The following ZC3H7A variants were observed in gnomAD, a reference collection of about 807,000 sequenced individuals.
ZC3H7A encodes the protein zinc finger CCCH domain-containing protein 7A.
A neutral mutation model predicts 125.5 loss-of-function variants in ZC3H7A; 44 were observed. The ratio of observed to expected loss-of-function variants is 0.35; its 90% CI spans 0.28 to 0.45. ZC3H7A has a LOEUF of 0.45. Among genes scored for constraint, ZC3H7A ranks in the 20% least tolerant of loss-of-function variants. The pLI, the probability that ZC3H7A is intolerant of heterozygous loss-of-function variation, is 1.00. For missense variants in ZC3H7A, 977 were observed against 1,170.7 expected, an observed-to-expected ratio of 0.83 and a Z score of 2.41; for synonymous variants, 399 against 391.2, an observed-to-expected ratio of 1.02 and a Z score of -0.23.
intron 21 of ZC3H7A, chr16:11,753,063 G>A (rs1448216325): frequency 2.1e-6 from 1 of 481,884 alleles, no homozygotes; most frequent in African/African-American, 2.0e-5. Flanking sequence ...GAGGCAATAG[G>A]AGCTGGTATG....
At chr16:11,778,279 T>C (rs2053115743) in intron 4 of ZC3H7A, among the ~76,000 whole-genome samples, 1 of 151,202 alleles carries the variant, frequency 6.6e-6, no homozygotes, top group Non-Finnish European at 1.5e-5. Flanking sequence ...TCTAACAAAA[T>C]ACAAAAAATT....
In ZC3H7A at chr16:11,779,298, A is replaced by G. The variant is rs770771373; in HGVS notation, c.174T>C (p.Asp58=). The G allele has an allele frequency of 5.6e-6, 9 of 1,614,102 alleles. No individual in the cohort carries two copies. The South Asian group carries it at 9.9e-5, about 18-fold the overall frequency. The change falls in exon 4 of 23, where the codon GAT becomes GAC. Residue 58 remains aspartate (D), a synonymous_variant. Coordinates refer to ENST00000355758, the MANE Select transcript of ZC3H7A (RefSeq NM_014153.4). ...NEGNDVYREH[D]WNNSISQYTE... is the part of the protein sequence containing the mutation. Reference sequence around the variant, plus strand: ...TGTACTGGCTTATCGAGTTGTTCCAATCATGTTCCCGATAAACGTCATTTC... The same window carrying G: ...TGTACTGGCTTATCGAGTTGTTCCAGTCATGTTCCCGATAAACGTCATTTC...
Position 11,771,586 on chromosome 16 carries a change from C to T in ZC3H7A, c.904-599G>A, listed in dbSNP as rs78016594. ...CACAATCTCGGCTCACTGCAACCTC[C>T]GCCTTCTGAGTTCAAATGATTCTCC... is the stretch of plus-strand genomic sequence containing the variant. On this transcript the variant is annotated intron_variant, in intron 9 of 22. Transcript: ENST00000355758. 2.2e-3 allele frequency among the ~76,000 whole-genome samples: 327 copies of T among 151,732 alleles called. 2 individuals are homozygous for T. The highest frequency in any genetic ancestry group is 7.4e-3 in the African/African-American group (308 of 41,400).
chr16:11,766,906 C>T (rs2052869174), intron 13 of ZC3H7A, among the ~76,000 whole-genome samples: 1 of 152,192 alleles, frequency 6.6e-6, no homozygotes, highest in African/African-American at 2.4e-5. Flanking sequence ...TTAAATACAA[C>T]AGTAAAAATA....
rs1429077 is a variant in ZC3H7A, at chr16:11,782,347, T to A, written c.8A>T (p.Asn3Ile). 2.5e-4 allele frequency: 397 copies of A among 1,613,936 alleles called. No individual in the cohort carries two copies. The highest frequency in any genetic ancestry group is 3.3e-4 in the Non-Finnish European group (392 of 1,180,000). Residue 3 changes from asparagine (N) to isoleucine (I), a missense_variant, in exon 2 of 23, where the codon AAT becomes ATT. By Grantham distance (149) the Asn-to-Ile change is moderately radical. Around this residue, in one of 3 missense-constraint regions of ZC3H7A, gnomAD observed 199 missense variants for 256.1 expected, o/e 0.78. Coordinates refer to ENST00000355758, the MANE Select transcript of ZC3H7A (RefSeq NM_014153.4). ...CCTTTTTCTTCTCTCCTCGGACACA[T>A]TGGACATGTTATCCCACACATCCAC... MS[N>I]VSEERRKRQQ...
chr16:11,789,584 G>A (rs1028459762), intron 1 of ZC3H7A, among the ~76,000 whole-genome samples: 2 of 152,116 alleles, frequency 1.3e-5, no homozygotes. Context: ...TCAAACTGGA[G>A]CTACCAGTGA....
chr16:11,761,365 T>C lies in ZC3H7A; in HGVS notation c.2319+41A>G, dbSNP rs745669565. 7 of 1,559,120 alleles carry C rather than the reference T, an allele frequency of 4.5e-6. No homozygotes were observed. In the East Asian group the frequency reaches 6.7e-5, roughly 15 times the overall value. Reference sequence around the variant, plus strand: ...ACTACTATTTTCTAATGATTTGAAATGCCTAATTTAAAAAAAGTGGCTTAA... The same window carrying C: ...ACTACTATTTTCTAATGATTTGAAACGCCTAATTTAAAAAAAGTGGCTTAA... On this transcript the variant is annotated intron_variant, in intron 19 of 22. Transcript: ENST00000355758.
intron 2 of ZC3H7A, 39 bp downstream of exon 2, chr16:11,782,248 T>C: frequency 1.2e-6 from 2 of 1,611,610 alleles, no homozygotes; most frequent in Non-Finnish European, 1.7e-6. Context: ...ACCAAAGAAT[T>C]AGGACGCGGC....
At chr16:11,771,033 G>A (rs2052971472) in intron 9 of ZC3H7A, 46 bp from the exon 10 acceptor site, 2 of 1,547,018 alleles carry the variant, frequency 1.3e-6, no homozygotes, top group Non-Finnish European at 8.7e-7. Context: ...AAGCTGTCAT[G>A]GGTTTGGCTG....
chr16:11,774,789 A>G (rs1272674784), intron 8 of ZC3H7A, among the ~76,000 whole-genome samples, 191 bp downstream of exon 8: 1 of 152,194 alleles, frequency 6.6e-6, no homozygotes, highest in Admixed American at 6.5e-5. Flanking sequence ...CTAACATCCA[A>G]CACTTTTCAG....
chr16:11,761,302 C>T (rs1360382525), intron 19 of ZC3H7A, 104 bp downstream of exon 19: 10 of 1,094,586 alleles, frequency 9.1e-6, no homozygotes, highest in African/African-American at 3.1e-5. Flanking sequence ...TTATTACTGA[C>T]GAATATTATT....
chr16:11,790,160 A>G (rs551527718), intron 1 of ZC3H7A, among the ~76,000 whole-genome samples: 4 of 152,008 alleles, frequency 2.6e-5, no homozygotes, highest in Non-Finnish European at 5.9e-5. Flanking sequence ...TATTGACACA[A>G]TACACCAAAT....
Position 11,751,509 on chromosome 16 carries a change from G to C in ZC3H7A, c.2727-3C>G. ...CTGGGCAGGTGCCATTCATATACCTGTAAGGAGAAGTCAGCTGCTCAGTGT... is the reference window on the plus strand; with the variant it reads ...CTGGGCAGGTGCCATTCATATACCTCTAAGGAGAAGTCAGCTGCTCAGTGT... On this transcript the variant is annotated splice_polypyrimidine_tract_variant and splice_region_variant and intron_variant, in intron 22 of 22. Transcript: ENST00000355758. 1 of 1,610,564 alleles carries C rather than the reference G, an allele frequency of 6.2e-7. No homozygotes were observed. The highest frequency in any genetic ancestry group is 8.5e-7 in the Non-Finnish European group (1 of 1,178,814).
chr16:11,762,623 A>C, intron 17 of ZC3H7A, 48 bp downstream of exon 17: 2 of 1,573,084 alleles, frequency 1.3e-6, no homozygotes, highest in Non-Finnish European at 1.7e-6. Flanking sequence ...TCTATTACGC[A>C]ATTCCAGAAA....
At chr16:11,779,558 G>A (rs953347584) in intron 3 of ZC3H7A, among the ~76,000 whole-genome samples, 195 bp from the exon 4 acceptor site, 9 of 152,146 alleles carry the variant, frequency 5.9e-5, no homozygotes, top group Non-Finnish European at 1.2e-4. Flanking sequence ...TTTTCAAGGG[G>A]AAATTCAATT....
chr16:11,778,714 T>A (rs991084318), intron 4 of ZC3H7A, among the ~76,000 whole-genome samples: 15 of 152,038 alleles, frequency 9.9e-5, no homozygotes, highest in Admixed American at 3.9e-4. Flanking sequence ...TTTATTTTTT[T>A]ATTTTATTTT....
Position 11,760,122 on chromosome 16 carries a change from GAAAAA to G in ZC3H7A, c.2319+1279_2319+1283del, listed in dbSNP as rs66812605. 5.8e-3 allele frequency among the ~76,000 whole-genome samples: 482 copies of G among 82,536 alleles called. 2 individuals are homozygous for G. Among genetic ancestry groups the G allele is most frequent in the African/African-American group, 0.024 (453 of 18,638 alleles). 54.1% of individuals were successfully genotyped at this position (82,536 alleles called of 152,430 possible). A position where few individuals can be genotyped will look rare whatever the true frequency, so the allele number is the denominator to read the frequency against. ...CCTGGGTGACAGAGCAAGAAAAAAT[GAAAAA>G]AAAAAAAAAAAAAAAAAAGAAAAAA... On this transcript the variant is annotated intron_variant, in intron 19 of 22. Transcript: ENST00000355758.
rs150768651 is a variant in ZC3H7A, at chr16:11,756,288, G to A, written c.2511C>T (p.Asn837=). The change falls in exon 21 of 23, where the codon AAC becomes AAT. Residue 837 remains asparagine, a synonymous_variant. Transcript: ENST00000355758. ...TGTGAATTTGTTTTCCATTTTCCTT[G>A]TTTGACTGACTGGCTATGTCTTCAC... The part of the protein sequence containing the change: ...EKSEDIASQS[N]KENGKQIHMP... The A allele has an allele frequency of 1.9e-6, 3 of 1,614,060 alleles. No homozygotes were observed. The East Asian group carries it at 6.7e-5, about 36-fold the overall frequency.
At chr16:11,790,330 A>G (rs1478837905) in intron 1 of ZC3H7A, among the ~76,000 whole-genome samples, 3 of 152,098 alleles carry the variant, frequency 2.0e-5, no homozygotes, top group Admixed American at 6.6e-5. Context: ...CGTCCTTTCA[A>G]ATTTAAGAAT....
Sources: allele counts gnomAD v4.1 joint callset (sites outside exome capture counted in the v4.1 genomes callset), GRCh38; gene constraint gnomAD v4.1.1; regional missense constraint gnomAD v4.1.1; transcripts MANE v1.5; gene names NCBI Gene and HGNC (gene_info 2026-07-23, HGNC 2026-07-21).